TMTC1: variants seen among roughly 807,000 people sequenced by gnomAD.
The protein encoded by TMTC1 is transmembrane O-mannosyltransferase targeting cadherins 1.
TMTC1 carries 73 observed loss-of-function variants against 104.8 expected under a neutral mutation model. The observed-to-expected ratio is 0.70, with a 90% CI of 0.58 to 0.85. The LOEUF (loss-of-function observed/expected upper bound fraction) is 0.85, where lower values mean the gene tolerates loss of function less well. Among genes scored for constraint, TMTC1 ranks in the 40% least tolerant of loss-of-function variants. TMTC1 has a pLI of 0.00. For synonymous variants in TMTC1, 434 were observed against 428.7 expected, an observed-to-expected ratio of 1.01 and a Z score of -0.15; for missense variants, 1,035 against 1,096.1, an observed-to-expected ratio of 0.94 and a Z score of 0.79.
At chr12:29,679,375 C>A (rs1224113417) in intron 5 of TMTC1, among the ~76,000 whole-genome samples, 1 of 152,032 alleles carries the variant, frequency 6.6e-6, no homozygotes, top group African/African-American at 2.4e-5. Flanking sequence ...ACATGAAATA[C>A]TTCTATAGTC....
chr12:29,649,275 G>A (rs1228983370), intron 5 of TMTC1, among the ~76,000 whole-genome samples: 2 of 152,086 alleles, frequency 1.3e-5, no homozygotes, highest in African/African-American at 2.4e-5. Flanking sequence ...ACAGATGGAG[G>A]GATTTAGATC....
intron 7 of TMTC1, among the ~76,000 whole-genome samples, chr12:29,586,433 C>T (rs938947599): frequency 6.6e-6 from 1 of 152,260 alleles, no homozygotes; most frequent in Middle Eastern, 3.4e-3. Flanking sequence ...TTATTTCCTT[C>T]TCCTGCCTGA....
At chr12:29,769,390 A>G (rs778138016) in intron 1 of TMTC1, among the ~76,000 whole-genome samples, 4 of 152,196 alleles carry the variant, frequency 2.6e-5, no homozygotes, top group Admixed American at 1.3e-4. Flanking sequence ...ATGAGTCTGC[A>G]CACACCCCAG....
intron 5 of TMTC1, chr12:29,661,446 G>A (rs1363958761): frequency 4.9e-5 from 23 of 470,014 alleles, no homozygotes; most frequent in East Asian, 1.9e-4. Context: ...TTTTTGAGAC[G>A]GAGTTTTGCT....
intron 5 of TMTC1, among the ~76,000 whole-genome samples, chr12:29,725,118 A>G (rs1366665593): frequency 1.4e-5 from 2 of 143,412 alleles, no homozygotes; most frequent in African/African-American, 2.6e-5. Flanking sequence ...CATGGGTTCA[A>G]GCAATTCTCC....
chr12:29,568,771 G>A (rs1015935952), intron 9 of TMTC1: 5 of 369,352 alleles, frequency 1.4e-5, no homozygotes, highest in African/African-American at 2.1e-5. Flanking sequence ...TTTCTCTTTC[G>A]GGGCTTATTA....
At chr12:29,753,608 C>T (rs1479900068) in intron 4 of TMTC1, among the ~76,000 whole-genome samples, 2 of 152,256 alleles carry the variant, frequency 1.3e-5, no homozygotes. Context: ...GGTGATATCA[C>T]CCATCTTTGG....
chr12:29,643,640 T>TATGTTATATTATATATA (rs1939019590), intron 5 of TMTC1, among the ~76,000 whole-genome samples: 2 of 32,110 alleles, frequency 6.2e-5, no homozygotes, highest in Non-Finnish European at 9.8e-5. Flanking sequence ...ATATATATAA[T>TATGTTATATTATATATA]ATATATGTTA....
At chr12:29,656,321 T>TAG in intron 5 of TMTC1, among the ~76,000 whole-genome samples, 1 of 136,140 alleles carries the variant, frequency 7.3e-6, no homozygotes, top group African/African-American at 2.8e-5. Context: ...TTTCCCTGGA[T>TAG]ATATATATAT....
chr12:29,525,766 T>TTATCCACTG (rs1462683349), intron 11 of TMTC1, among the ~76,000 whole-genome samples: 1 of 152,200 alleles, frequency 6.6e-6, no homozygotes, highest in Non-Finnish European at 1.5e-5. Flanking sequence ...GTGGATCTGA[T>TTATCCACTG]TATCCACTGT....
intron 5 of TMTC1, among the ~76,000 whole-genome samples, chr12:29,668,585 C>A (rs947865971): frequency 6.6e-6 from 1 of 151,124 alleles, no homozygotes; most frequent in Admixed American, 6.6e-5. Flanking sequence ...CTCAGCCCCT[C>A]TAGTAGCTGG....
intron 7 of TMTC1, among the ~76,000 whole-genome samples, chr12:29,585,895 T>G (rs1010506463): frequency 6.6e-6 from 1 of 151,622 alleles, no homozygotes; most frequent in African/African-American, 2.4e-5. Context: ...TTTGTTCTTT[T>G]GGCTTAGGAC....
At chr12:29,675,621 CACACACACA>C (rs747882499) in intron 5 of TMTC1, among the ~76,000 whole-genome samples, 9 of 79,248 alleles carry the variant, frequency 1.1e-4, no homozygotes, top group African/African-American at 4.7e-4. Context: ...CACACACACA[CACACACACA>C]CCCTCCATGA....
intron 5 of TMTC1, among the ~76,000 whole-genome samples, chr12:29,718,042 A>C (rs302383): frequency 6.6e-6 from 1 of 152,064 alleles, no homozygotes; most frequent in African/African-American, 2.4e-5. Context: ...AAAATAAGTA[A>C]AGGGAGGTAA....
intron 5 of TMTC1, among the ~76,000 whole-genome samples, chr12:29,707,769 AC>A (rs1260275445): frequency 6.6e-6 from 1 of 152,006 alleles, no homozygotes; most frequent in Non-Finnish European, 1.5e-5. Flanking sequence ...CGTATGAACC[AC>A]CCTTCCTTGT....
At chr12:29,571,261 G>A (rs1945668589) in intron 9 of TMTC1, among the ~76,000 whole-genome samples, 1 of 152,078 alleles carries the variant, frequency 6.6e-6, no homozygotes, top group African/African-American at 2.4e-5. Context: ...GAGATTGCCA[G>A]GCTATATTTA....
chr12:29,656,225 C>A (rs2136622140), intron 5 of TMTC1, among the ~76,000 whole-genome samples: 1 of 151,904 alleles, frequency 6.6e-6, no homozygotes, highest in East Asian at 1.9e-4. Context: ...AATTAGAGAC[C>A]ATTTTCTAGG....
intron 1 of TMTC1, among the ~76,000 whole-genome samples, chr12:29,770,664 A>G (rs776282011): frequency 2.3e-4 from 35 of 152,282 alleles, no homozygotes; most frequent in Non-Finnish European, 1.6e-4. Context: ...AAAGTCCCTT[A>G]CCTGGAACCT....
At chr12:29,523,832 T>A (rs1024574001) in intron 11 of TMTC1, among the ~76,000 whole-genome samples, 2 of 152,130 alleles carry the variant, frequency 1.3e-5, no homozygotes, top group African/African-American at 2.4e-5. Context: ...TTTTAAAAAA[T>A]TTTAATTTGA....
Sources: gnomAD v4.1 joint callset for allele counts (sites outside exome capture counted in the v4.1 genomes callset) on GRCh38, gnomAD v4.1.1 for gene constraint, MANE v1.5 for transcripts, NCBI Gene and HGNC (gene_info 2026-07-23, HGNC 2026-07-21) for gene names.